The following NCALD variants were observed in gnomAD, a reference collection of about 807,000 sequenced individuals.
NCALD encodes the protein neurocalcin delta.
In NCALD, 10 loss-of-function variants were observed where a neutral mutation model predicts 18.6. That is an observed-to-expected ratio of 0.54 (90% CI 0.33 to 0.91). The LOEUF is 0.91. NCALD is among the 40% of genes least tolerant of loss of function. NCALD has a pLI of 0.03. For missense variants in NCALD, 184 were observed against 247.6 expected (o/e 0.74, Z 1.72); for synonymous variants, 88 against 87.4 (o/e 1.01, Z -0.04).
intron 1 of NCALD, among the ~76,000 whole-genome samples, chr8:102,093,507 A>G (rs970561034): frequency 5.3e-5 from 8 of 152,210 alleles, no homozygotes; most frequent in African/African-American, 1.9e-4. Flanking sequence ...AAAAACAAAT[A>G]AAGCAAAAAC....
chr8:101,736,279 A>G (rs1221675948), intron 1 of NCALD, among the ~76,000 whole-genome samples: 3 of 152,172 alleles, frequency 2.0e-5, no homozygotes, highest in Non-Finnish European at 4.4e-5. Context: ...TAGCATCATC[A>G]ATCTTGATAT....
rs138996773 is a variant in NCALD at position 101,840,647 on chromosome 8, A to C, written c.-20+46494T>G. On this transcript the variant is annotated intron_variant, in intron 4 of 6. Coordinates refer to the NCALD transcript ENST00000311028. ...CCATAAAGCAAGCAGGACAAGCTAC[A>C]TATTTGCAAAGGAAATTGCAGGTCA... Among the ~76,000 whole-genome samples the C allele has an allele frequency of 2.0e-5, 3 of 152,318 alleles. No individual in the cohort carries two copies. The East Asian group carries it at 5.8e-4, about 29-fold the overall frequency.
At chr8:101,804,482 T>C (rs1366744246) in intron 4 of NCALD, among the ~76,000 whole-genome samples, 1 of 121,982 alleles carries the variant, frequency 8.2e-6, no homozygotes, top group East Asian at 2.0e-4. Flanking sequence ...GATTATTATA[T>C]AATATATAAT....
intron 4 of NCALD, among the ~76,000 whole-genome samples, chr8:101,857,531 C>T (rs1001719854): frequency 6.6e-6 from 1 of 152,162 alleles, no homozygotes; most frequent in Non-Finnish European, 1.5e-5. Context: ...ACCATTGATC[C>T]TGCTAGCACA....
intron 1 of NCALD, among the ~76,000 whole-genome samples, chr8:102,052,811 C>T (rs1422318466): frequency 6.6e-6 from 1 of 152,218 alleles, no homozygotes; most frequent in Non-Finnish European, 1.5e-5. Context: ...AGAGAAGACA[C>T]AAATGAATCA....
At chr8:101,700,451 T>C (rs1815208046) in intron 2 of NCALD, among the ~76,000 whole-genome samples, 1 of 152,228 alleles carries the variant, frequency 6.6e-6, no homozygotes, top group Non-Finnish European at 1.5e-5. Flanking sequence ...GATCCCCATT[T>C]AGATGGGTAT....
At chr8:102,079,576 T>C (rs1824457879) in intron 1 of NCALD, among the ~76,000 whole-genome samples, 1 of 152,188 alleles carries the variant, frequency 6.6e-6, no homozygotes, top group Non-Finnish European at 1.5e-5. Flanking sequence ...TATAAACGAC[T>C]CTGTTGCCCA....
intron 2 of NCALD, among the ~76,000 whole-genome samples, chr8:101,924,824 A>G (rs1288630903): frequency 1.3e-5 from 2 of 152,228 alleles, no homozygotes; most frequent in African/African-American, 2.4e-5. Flanking sequence ...TTTTAGATTG[A>G]GTCTTTAAAT....
intron 4 of NCALD, among the ~76,000 whole-genome samples, chr8:101,840,945 T>C (rs1332626105): frequency 1.3e-5 from 2 of 152,228 alleles, no homozygotes; most frequent in Non-Finnish European, 2.9e-5. Context: ...TATTAATATC[T>C]TTTAAATATT....
chr8:101,707,493 G>A (rs1815583720), intron 2 of NCALD, among the ~76,000 whole-genome samples: 1 of 152,122 alleles, frequency 6.6e-6, no homozygotes, highest in Non-Finnish European at 1.5e-5. Context: ...CATCACAGGG[G>A]TGAATCAGAA....
intron 4 of NCALD, among the ~76,000 whole-genome samples, chr8:101,822,847 A>G (rs1027861531): frequency 2.0e-5 from 3 of 152,156 alleles, no homozygotes; most frequent in Non-Finnish European, 4.4e-5. Flanking sequence ...GGGTTACCCA[A>G]CACTCCCTCT....
intron 2 of NCALD, among the ~76,000 whole-genome samples, chr8:101,949,300 A>G (rs1428381582): frequency 1.3e-5 from 2 of 152,100 alleles, no homozygotes; most frequent in Non-Finnish European, 2.9e-5. Context: ...ACGCACACTC[A>G]GGATTTGAAC....
At chr8:101,860,724 G>C (rs1023177299) in intron 4 of NCALD, among the ~76,000 whole-genome samples, 1 of 152,142 alleles carries the variant, frequency 6.6e-6, no homozygotes, top group Admixed American at 6.5e-5. Flanking sequence ...GAGAAGGTGT[G>C]CACTGGAGAA....
At chr8:101,940,252 G>A (rs1818906845) in intron 2 of NCALD, among the ~76,000 whole-genome samples, 1 of 152,184 alleles carries the variant, frequency 6.6e-6, no homozygotes, top group Admixed American at 6.5e-5. Flanking sequence ...AAGGAAAATT[G>A]ATTCCCTTAG....
chr8:101,746,060 T>A (rs889342796), intron 1 of NCALD: 1 of 152,218 alleles, frequency 6.6e-6, no homozygotes, highest in Non-Finnish European at 1.5e-5. Flanking sequence ...CCCAGTGTCT[T>A]ACTTAATCCT....
chr8:101,697,372 G>C (rs1815047896), intron 2 of NCALD, among the ~76,000 whole-genome samples: 1 of 152,032 alleles, frequency 6.6e-6, no homozygotes, highest in African/African-American at 2.4e-5. Context: ...AGATACAAAG[G>C]GGAGCTGGTA....
intron 4 of NCALD, among the ~76,000 whole-genome samples, chr8:101,871,361 C>T (rs923336719): frequency 6.6e-6 from 1 of 152,218 alleles, no homozygotes; most frequent in African/African-American, 2.4e-5. Flanking sequence ...TTCCAATCAG[C>T]CTTTGTGCAG....
At chr8:101,983,597 T>C (rs1777865196) in intron 2 of NCALD, among the ~76,000 whole-genome samples, 1 of 152,204 alleles carries the variant, frequency 6.6e-6, no homozygotes, top group Non-Finnish European at 1.5e-5. Flanking sequence ...TGTAGGGTTG[T>C]GTGTATGTGT....
chr8:101,845,637 T>C (rs1201186316), intron 4 of NCALD, among the ~76,000 whole-genome samples: 1 of 152,240 alleles, frequency 6.6e-6, no homozygotes, highest in Non-Finnish European at 1.5e-5. Flanking sequence ...GTAATTGGGA[T>C]GTCCGTCACC....
Sources: allele counts gnomAD v4.1 joint callset (sites outside exome capture counted in the v4.1 genomes callset), GRCh38; gene constraint gnomAD v4.1.1; transcripts MANE v1.5; gene names NCBI Gene and HGNC (gene_info 2026-07-23, HGNC 2026-07-21).